Variants in ARID4B observed in about 807,000 individuals in gnomAD.
ARID4B encodes AT-rich interaction domain 4B, also known as AT-rich interactive domain-containing protein 4B.
In ARID4B, 26 loss-of-function variants were observed where a neutral mutation model predicts 147.5. The observed-to-expected ratio is 0.18, with a 90% CI of 0.13 to 0.24. The LOEUF is 0.24. ARID4B is among the 10% of genes least tolerant of loss of function. The pLI, the probability that ARID4B is intolerant of heterozygous loss-of-function variation, is 1.00. For missense variants in ARID4B, 1,179 were observed against 1,511.5 expected (o/e 0.78, Z 3.65); for synonymous variants, 512 against 507.9 (o/e 1.01, Z -0.11).
intron 17 of ARID4B, among the ~76,000 whole-genome samples, chr1:235,206,282 T>C (rs915750501): frequency 6.6e-6 from 1 of 152,158 alleles, no homozygotes; most frequent in African/African-American, 2.4e-5. Flanking sequence ...AGTCCTAATG[T>C]AGAAAGCTTG....
chr1:235,323,383 A>G (rs992555482), intron 2 of ARID4B, among the ~76,000 whole-genome samples: 19 of 152,108 alleles, frequency 1.2e-4, no homozygotes, highest in Admixed American at 9.2e-4. Context: ...AGATTCTGGT[A>G]TATCCAGCCC....
At chr1:235,224,552 G>A (rs574795924) in intron 12 of ARID4B, 151 bp downstream of exon 12, 373 of 629,510 alleles carry the variant, frequency 5.9e-4, no homozygotes, top group Middle Eastern at 2.6e-3. Flanking sequence ...CGTGACAGGC[G>A]CTATGCTAGG....
At chr1:235,270,040 T>C (rs1169227190) in intron 2 of ARID4B, among the ~76,000 whole-genome samples, 1 of 152,138 alleles carries the variant, frequency 6.6e-6, no homozygotes, top group Non-Finnish European at 1.5e-5. Flanking sequence ...TCCAAGCATT[T>C]TGGGAGGCCG....
At chr1:235,230,682 G>A (rs1185689921) in intron 10 of ARID4B, among the ~76,000 whole-genome samples, 2 of 151,498 alleles carry the variant, frequency 1.3e-5, no homozygotes, top group Non-Finnish European at 2.9e-5. Flanking sequence ...AGCACTTCGG[G>A]AGGCTGAGGC....
chr1:235,241,682 C>G (rs2103073785), intron 7 of ARID4B, among the ~76,000 whole-genome samples: 1 of 151,988 alleles, frequency 6.6e-6, no homozygotes, highest in South Asian at 2.1e-4. Context: ...CCACGCCCAG[C>G]TAATTTTTGT....
intron 7 of ARID4B, among the ~76,000 whole-genome samples, chr1:235,242,060 C>A (rs950412089): frequency 6.6e-6 from 1 of 151,662 alleles, no homozygotes; most frequent in Non-Finnish European, 1.5e-5. Flanking sequence ...CCAGCCTGGC[C>A]AAAATGGTGA....
chr1:235,237,977 G>A (rs10925194), intron 8 of ARID4B, among the ~76,000 whole-genome samples: 9 of 151,456 alleles, frequency 5.9e-5, no homozygotes, highest in South Asian at 2.1e-4. Flanking sequence ...ATGGAGAAAC[G>A]CTGTCTCTAC....
chr1:235,314,971 C>CA lies in ARID4B; in HGVS notation c.6+11942dup, dbSNP rs1418256787. Among the ~76,000 whole-genome samples, 5 of 152,064 alleles carry CA rather than the reference C, an allele frequency of 3.3e-5. No individual in the cohort carries two copies. The East Asian group carries it at 9.6e-4, about 29-fold the overall frequency. On this transcript the variant is annotated intron_variant, in intron 2 of 23. Coordinates refer to ENST00000264183, the MANE Select transcript of ARID4B (RefSeq NM_016374.6). Reference sequence around the variant, plus strand: ...TTATCAATGACTATGTTCTCATAAGCAATTATACCCTGAAATCAAAAGGTT... The same window carrying CA: ...TTATCAATGACTATGTTCTCATAAGCAAATTATACCCTGAAATCAAAAGGTT...
At chr1:235,306,285 C>T (rs1406860727) in intron 2 of ARID4B, among the ~76,000 whole-genome samples, 1 of 152,066 alleles carries the variant, frequency 6.6e-6, no homozygotes, top group Non-Finnish European at 1.5e-5. Flanking sequence ...AGGCAGATCA[C>T]AAGGTCAGAA....
At chr1:235,169,341 C>A (rs1379302042) in intron 23 of ARID4B, among the ~76,000 whole-genome samples, 1 of 151,282 alleles carries the variant, frequency 6.6e-6, no homozygotes, top group Admixed American at 6.6e-5. Flanking sequence ...CCTGAGTTCA[C>A]GCCATTCTCC....
intron 2 of ARID4B, among the ~76,000 whole-genome samples, chr1:235,280,292 C>A (rs927824663): frequency 6.6e-6 from 1 of 152,130 alleles, no homozygotes; most frequent in Non-Finnish European, 1.5e-5. Context: ...TTATTTGAAT[C>A]ACATGCTTAG....
rs1352300897 is a variant in ARID4B, at chr1:235,182,049, T to C, written c.2870A>G (p.His957Arg). 2.5e-6 allele frequency: 4 copies of C among 1,614,034 alleles called. No individual in the cohort carries two copies. The African/African-American group carries it at 5.3e-5, about 22-fold the overall frequency. ...TGCCACCCCCTCCTCTGGGGCAGGATGCGGTGGGGAAGCTGCAGCCTCAGT... is the reference window on the plus strand; with the variant it reads ...TGCCACCCCCTCCTCTGGGGCAGGACGCGGTGGGGAAGCTGCAGCCTCAGT... ...SDTEAAASPP[H>R]PAPEEGVAEE... The change falls in exon 20 of 24, where the codon CAT (histidine) becomes CGT (arginine). Residue 957 changes from histidine to arginine, a missense_variant. Physicochemically the swap from His to Arg is conservative, Grantham distance 29 (BLOSUM62 0). Around this residue, in one of 10 missense-constraint regions of ARID4B, gnomAD observed 357 missense variants for 427.3 expected, o/e 0.84. Transcript: ENST00000264183.
intron 2 of ARID4B, among the ~76,000 whole-genome samples, chr1:235,304,662 TA>T (rs772928876): frequency 4.5e-4 from 69 of 152,236 alleles, no homozygotes; most frequent in Non-Finnish European, 8.4e-4. Flanking sequence ...GGCTGAATTC[TA>T]AAACAAACAT....
chr1:235,252,635 G>A, intron 6 of ARID4B, 95 bp downstream of exon 6: 1 of 979,470 alleles, frequency 1.0e-6, no homozygotes, highest in Non-Finnish European at 1.5e-6. Context: ...GAACTTTCCT[G>A]ATTAGGAAGT....
At chr1:235,194,242 T>A in intron 18 of ARID4B, 31 bp from the exon 19 acceptor site, 1 of 1,479,858 alleles carries the variant, frequency 6.8e-7, no homozygotes, top group African/African-American at 1.4e-5. Context: ...TGTCGTAATT[T>A]ATCATAAGGC....
chr1:235,229,470 A>G, intron 10 of ARID4B, 85 bp from the exon 11 acceptor site: 1 of 965,796 alleles, frequency 1.0e-6, no homozygotes, highest in Non-Finnish European at 1.6e-6. Context: ...AAAGAAATAA[A>G]AACTACTGTG....
At chr1:235,283,760 C>T (rs1572151378) in intron 2 of ARID4B, among the ~76,000 whole-genome samples, 1 of 152,110 alleles carries the variant, frequency 6.6e-6, no homozygotes, top group Non-Finnish European at 1.5e-5. Flanking sequence ...CAGTCTCGCT[C>T]TCCAAGACAG....
chr1:235,260,881 C>T, intron 2 of ARID4B, 129 bp from the exon 3 acceptor site: 1 of 605,338 alleles, frequency 1.7e-6, no homozygotes, highest in Non-Finnish European at 2.8e-6. Context: ...TTAACAAGAC[C>T]AATCTATAAA....
At chr1:235,214,581 G>A (rs956440978) in intron 16 of ARID4B, among the ~76,000 whole-genome samples, 1 of 151,914 alleles carries the variant, frequency 6.6e-6, no homozygotes, top group Non-Finnish European at 1.5e-5. Context: ...TTCTCCAACC[G>A]AATTTTCAAA....
Sources: allele counts gnomAD v4.1 joint callset (sites outside exome capture counted in the v4.1 genomes callset), GRCh38; gene constraint gnomAD v4.1.1; regional missense constraint gnomAD v4.1.1; transcripts MANE v1.5; gene names NCBI Gene and HGNC (gene_info 2026-07-23, HGNC 2026-07-21).